C2: variants seen among roughly 807,000 people sequenced by gnomAD.
C2 encodes the protein C3/C5 convertase.
Under a neutral mutation model 85.2 loss-of-function variants are expected in C2, and 64 were observed. The ratio of observed to expected loss-of-function variants is 0.75; its 90% confidence interval spans 0.61 to 0.92. The LOEUF (loss-of-function observed/expected upper bound fraction) is 0.92, where lower values mean the gene tolerates loss of function less well. Ranked by LOEUF, C2 falls within the 40% of genes least tolerant of loss-of-function variation. The pLI is 0.00. For synonymous variants in C2, 311 were observed against 370.8 expected (o/e 0.84, Z 1.85); for missense variants, 820 against 971.6 (o/e 0.84, Z 2.07).
upstream of C2, among the ~76,000 whole-genome samples, chr6:31,924,358 T>C (rs1426106933): frequency 1.3e-5 from 2 of 152,200 alleles, no homozygotes; most frequent in Admixed American, 6.5e-5. Flanking sequence ...CTCTACAGGA[T>C]TGGAGAGCAG....
chr6:31,940,697 C>T (rs1200824084), intron 9 of C2, among the ~76,000 whole-genome samples: 1 of 152,182 alleles, frequency 6.6e-6, no homozygotes, highest in African/African-American at 2.4e-5. Flanking sequence ...AGCCCACTCC[C>T]TTCCTCCTTA....
intron 3 of C2, among the ~76,000 whole-genome samples, chr6:31,929,453 G>A (rs1769540725): frequency 6.6e-6 from 1 of 152,030 alleles, no homozygotes; most frequent in Non-Finnish European, 1.5e-5. Flanking sequence ...GAGTGCGGTG[G>A]CTCACGCCTG....
chr6:31,916,866 C>CAAA (rs1374845519), upstream of C2, among the ~76,000 whole-genome samples: 2 of 13,668 alleles, frequency 1.5e-4, no homozygotes, highest in Non-Finnish European at 2.2e-4. Flanking sequence ...GACTCCATCT[C>CAAA]AACAAAAAAA....
upstream of C2, among the ~76,000 whole-genome samples, chr6:31,926,763 T>C (rs1482714451): frequency 6.6e-6 from 1 of 152,158 alleles, no homozygotes; most frequent in Non-Finnish European, 1.5e-5. Flanking sequence ...CACTTATAAA[T>C]CAAAAGGGTT....
rs192242418 is a variant in C2, at chr6:31,938,737, G to T, written c.1130-494G>T. Among the ~76,000 whole-genome samples the T allele has an allele frequency of 6.3e-3, 964 of 152,148 alleles. 12 individuals are homozygous for T. Among genetic ancestry groups the T allele is most frequent in the African/African-American group, 0.022 (929 of 41,492 alleles). On this transcript the variant is annotated intron_variant, in intron 8 of 17. Coordinates refer to ENST00000299367, the MANE Select transcript of C2 (RefSeq NM_000063.6). ...TGCAATGGCGCGATTTCGGCTCACC[G>T]CAACCTCCGCCTCCCAGGTTCAAGC...
upstream of C2, chr6:31,927,713 C>T (rs746704795): frequency 5.6e-6 from 9 of 1,612,790 alleles, no homozygotes; most frequent in South Asian, 1.1e-5. The surrounding 1 kb of genome is among the most constrained non-coding windows in gnomAD (Gnocchi z 4.7). Flanking sequence ...CTTTTCCCTC[C>T]CGCGGCTCTC....
chr6:31,900,936 T>C, upstream of C2: 1 of 1,614,172 alleles, frequency 6.2e-7, no homozygotes, highest in Non-Finnish European at 8.5e-7. The surrounding 1 kb of genome is among the most constrained non-coding windows in gnomAD (Gnocchi z 9.7). Context: ...ATGAACTGGC[T>C]GAGGGCATTC....
At position 31,933,879 on chromosome 6, in the gene C2, A is replaced by G; in HGVS notation, c.629A>G (p.Tyr210Cys). Reference protein sequence around the residue: ...TEPICRQPYSYDFPEDVAPAL... With the variant: ...TEPICRQPYSCDFPEDVAPAL... ...GCTCTCCCCACAGAACCCTACTCTT[A>G]TGACTTCCCTGAGGACGTGGCCCCT... Residue 210 changes from tyrosine to cysteine, a missense_variant, in exon 5 of 18, where the codon TAT becomes TGT. Transcript: ENST00000299367. The G allele has an allele frequency of 6.2e-7, 1 of 1,613,982 alleles. No homozygotes were observed. Among genetic ancestry groups the G allele is most frequent in the Non-Finnish European group, 8.5e-7 (1 of 1,179,968 alleles).
chr6:31,936,388 C>T, intron 7 of C2: 1 of 392,914 alleles, frequency 2.5e-6, no homozygotes, highest in South Asian at 2.4e-5. Context: ...ATGTAAAGTG[C>T]CTGGTTGGCA....
intron 3 of C2, among the ~76,000 whole-genome samples, chr6:31,931,586 T>TCA (rs555443489): frequency 6.6e-6 from 1 of 151,962 alleles, no homozygotes; most frequent in Non-Finnish European, 1.5e-5. Context: ...GGGGGTAAGG[T>TCA]CACCGATCAA....
chr6:31,901,274 T>C lies in C2; in HGVS notation c.73+135T>C, dbSNP rs567392933. The C allele has an allele frequency of 2.5e-6, 4 of 1,612,332 alleles. No individual in the cohort carries two copies. The African/African-American group carries it at 5.3e-5, about 21-fold the overall frequency. On this transcript the variant is annotated intron_variant, in intron 1 of 3. Transcript: ENST00000452202. ...CGTTGCGGCCTCGTGGCCGGGCAGC[T>C]GGAAGCGCAGGACTTCCACCCCAGA... is the stretch of plus-strand genomic sequence containing the variant.
At chr6:31,900,816 G>A (rs1767180445), upstream of C2, 6 of 1,605,632 alleles carry the variant, frequency 3.7e-6, no homozygotes, top group Non-Finnish European at 5.1e-6. The surrounding 1 kb of genome is among the most constrained non-coding windows in gnomAD (Gnocchi z 9.7). Flanking sequence ...GGGGGCTTCG[G>A]GGCTGGCTTT....
chr6:31,936,149 A>G, intron 7 of C2, 88 bp downstream of exon 7: 1 of 1,452,778 alleles, frequency 6.9e-7, no homozygotes, highest in Middle Eastern at 1.8e-4. Flanking sequence ...AGTTAAAAAG[A>G]GAGTGAGGCC....
At chr6:31,928,193 G>T (rs759637724) in intron 2 of C2, 29 bp downstream of exon 2, 4 of 1,585,266 alleles carry the variant, frequency 2.5e-6, no homozygotes, top group Admixed American at 1.7e-5. Flanking sequence ...TTTGCTCAGG[G>T]TGCTACACCA....
At chr6:31,898,705 CCAAA>C (rs1479679503), upstream of C2, among the ~76,000 whole-genome samples, 5 of 149,574 alleles carry the variant, frequency 3.3e-5, no homozygotes, top group Non-Finnish European at 4.4e-5. Context: ...CAAAATATGA[CCAAA>C]CAGACTCCTG....
upstream of C2, among the ~76,000 whole-genome samples, chr6:31,898,178 T>C (rs1343251593): frequency 6.6e-6 from 1 of 152,234 alleles, no homozygotes; most frequent in Non-Finnish European, 1.5e-5. Context: ...TGCTGCTTCA[T>C]GTCCCCTGGA....
chr6:31,930,777 A>G (rs1769676812), intron 3 of C2, among the ~76,000 whole-genome samples: 1 of 152,262 alleles, frequency 6.6e-6, no homozygotes, highest in South Asian at 2.1e-4. Context: ...AGGAGGGTGA[A>G]GTAGATGCCT....
At chr6:31,938,473 T>TATAC (rs1239335594) in intron 8 of C2, among the ~76,000 whole-genome samples, 6 of 140,612 alleles carry the variant, frequency 4.3e-5, no homozygotes, top group Non-Finnish European at 7.6e-5. Context: ...TATATATATG[T>TATAC]ATACATACAT....
At chr6:31,932,900 G>A (rs957754503) in intron 3 of C2, among the ~76,000 whole-genome samples, 1 of 152,250 alleles carries the variant, frequency 6.6e-6, no homozygotes, top group Non-Finnish European at 1.5e-5. Flanking sequence ...GATCACTCGC[G>A]GTTAGGAGCT....
Sources: allele counts gnomAD v4.1 joint callset (sites outside exome capture counted in the v4.1 genomes callset), GRCh38; gene constraint gnomAD v4.1.1; non-coding constraint Gnocchi (gnomAD v3.1); transcripts MANE v1.5; gene names NCBI Gene and HGNC (gene_info 2026-07-23, HGNC 2026-07-21).